Variants in ARF4 observed in about 807,000 individuals in gnomAD.
ARF4 encodes ARF GTPase 4, also known as ADP-ribosylation factor 4.
ARF4 carries 5 observed loss-of-function variants against 24.3 expected under a neutral mutation model. The ratio of observed to expected loss-of-function variants is 0.21; its 90% CI spans 0.11 to 0.43. The LOEUF is 0.43. ARF4 is among the 20% of genes least tolerant of loss of function. The probability of loss-of-function intolerance (pLI) is 1.00; values close to 1 mark genes in which losing one functional copy is unlikely to be tolerated. For missense variants in ARF4, 107 were observed against 213.0 expected, an observed-to-expected ratio of 0.50 and a Z score of 3.10; for synonymous variants, 62 against 73.5, an observed-to-expected ratio of 0.84 and a Z score of 0.80.
chr3:57,596,012 C>A (rs2070177387), intron 1 of ARF4, among the ~76,000 whole-genome samples: 1 of 151,738 alleles, frequency 6.6e-6, no homozygotes. Context: ...GCTAATGAAC[C>A]AACAAGTTTC....
intron 2 of ARF4, 62 bp downstream of exon 2, chr3:57,584,320 CTA>C: frequency 7.5e-7 from 1 of 1,326,164 alleles, no homozygotes. Flanking sequence ...AATCTCAAAA[CTA>C]GACTGTATAT....
intron 3 of ARF4, among the ~76,000 whole-genome samples, chr3:57,579,235 C>T (rs1351529954): frequency 4.2e-5 from 4 of 95,204 alleles, no homozygotes; most frequent in African/African-American, 1.9e-4. Flanking sequence ...GCCTGGGCGA[C>T]AAGAGCAAAC....
At chr3:57,594,739 A>C (rs2070160677) in intron 1 of ARF4, among the ~76,000 whole-genome samples, 1 of 152,244 alleles carries the variant, frequency 6.6e-6, no homozygotes, top group South Asian at 2.1e-4. Context: ...CTTTATAAAG[A>C]AAAACGAAGC....
At chr3:57,581,925 T>G (rs907562488) in intron 3 of ARF4, among the ~76,000 whole-genome samples, 7 of 152,194 alleles carry the variant, frequency 4.6e-5, no homozygotes, top group Non-Finnish European at 1.0e-4. Flanking sequence ...ATTCTATTTG[T>G]AGGTGTACAG....
At chr3:57,591,459 CTCTTTTCTTT>C (rs939404121) in intron 1 of ARF4, among the ~76,000 whole-genome samples, 6 of 149,500 alleles carry the variant, frequency 4.0e-5, no homozygotes, top group African/African-American at 1.5e-4. Flanking sequence ...CTTTTTTCTT[CTCTTTTCTTT>C]TCTTTTTTTT....
chr3:57,583,908 T>C lies in ARF4; in HGVS notation c.248A>G (p.Gln83Arg). ...RIRPLWKHYF[Q>R]NTQGLIFVVD... Reference sequence around the variant, plus strand: ...TACAGTATCCCTTACCTGGGTATTCTGGAAGTAATGCTTCCAGAGAGGCCT... The same window carrying C: ...TACAGTATCCCTTACCTGGGTATTCCGGAAGTAATGCTTCCAGAGAGGCCT... The change falls in exon 3 of 6, where the codon CAG (glutamine) becomes CGG (arginine). Residue 83 changes from glutamine (Q) to arginine (R), a missense_variant. Coordinates refer to ENST00000303436, the MANE Select transcript of ARF4 (RefSeq NM_001660.4). The C allele has an allele frequency of 6.3e-7, 1 of 1,598,968 alleles. No individual in the cohort carries two copies. The highest frequency in any genetic ancestry group is 2.2e-5 in the East Asian group (1 of 44,784).
rs573215367 is a variant in ARF4, at chr3:57,588,284, T to A, written c.68-3820A>T. Among the ~76,000 whole-genome samples, 7 of 152,348 alleles carry A rather than the reference T, an allele frequency of 4.6e-5. No homozygotes were observed. In the East Asian group the frequency reaches 1.4e-3, roughly 29 times the overall value. On this transcript the variant is annotated intron_variant, in intron 1 of 5. Transcript: ENST00000303436. ...GGAAAACTACCTCAGAAATCTTTGC[T>A]GGCCAGGCAGTCACTCACACCTGTA...
chr3:57,596,206 A>G (rs2070180565), intron 1 of ARF4, among the ~76,000 whole-genome samples: 1 of 152,228 alleles, frequency 6.6e-6, no homozygotes, highest in South Asian at 2.1e-4. Context: ...CTTTCTAAAA[A>G]GAAATTTTAA....
At position 57,573,519 on chromosome 3, in the gene ARF4, A is replaced by G. The variant is rs562549842; in HGVS notation, c.457-1221T>C. ...GGAGGCTGGGGAAAGGCTCAAATTC[A>G]TACCTTCACAGCATGGAAAACTTGT... On this transcript the variant is annotated intron_variant, in intron 5 of 5. Transcript: ENST00000303436. Among the ~76,000 whole-genome samples the G allele has an allele frequency of 2.6e-5, 4 of 152,286 alleles. No individual in the cohort carries two copies. In the South Asian group the frequency reaches 8.3e-4, roughly 32 times the overall value.
rs150369290 is a variant in ARF4 at position 57,586,133 on chromosome 3, G to T, written c.68-1669C>A. On this transcript the variant is annotated intron_variant, in intron 1 of 5. Coordinates refer to ENST00000303436, the MANE Select transcript of ARF4 (RefSeq NM_001660.4). The stretch of plus-strand genomic sequence containing the variant: ...TCTCTCAAAACCTGAATATTCTGCA[G>T]TGTTTGCTAAAGCCCTCATAAATGA... Among the ~76,000 whole-genome samples, 166 of 152,322 alleles carry T rather than the reference G, an allele frequency of 1.1e-3. 1 individual carries two copies. Among genetic ancestry groups the T allele is most frequent in the African/African-American group, 3.6e-3 (149 of 41,572 alleles).
chr3:57,584,086 T>C (rs1042150526), intron 2 of ARF4, 79 bp from the exon 3 acceptor site: 22 of 1,012,940 alleles, frequency 2.2e-5, no homozygotes, highest in South Asian at 2.0e-4. Context: ...TTTCTTAGAA[T>C]AGTGTTTTTA....
chr3:57,596,002 G>A (rs533495345), intron 1 of ARF4, among the ~76,000 whole-genome samples: 1 of 151,726 alleles, frequency 6.6e-6, no homozygotes, highest in Non-Finnish European at 1.5e-5. Flanking sequence ...TAGAAAACAA[G>A]CTAATGAACC....
chr3:57,575,671 A>T lies in ARF4; in HGVS notation c.333T>A (p.Leu111=), dbSNP rs2069894418. 6.2e-7 allele frequency: 1 copy of T among 1,606,380 alleles called. No individual in the cohort carries two copies. Residue 111 remains leucine, a splice_region_variant and synonymous_variant, in exon 5 of 6, where the codon CTT becomes CTA. Transcript: ENST00000303436. The part of the protein sequence containing the change: ...QEVADELQKM[L]LVDELRDAVL... ...CTGCATCTCTCAATTCATCTACCAG[A>T]AGCTGGAAATAAAAGGTAAGGCATT...
At chr3:57,577,198 T>A (rs2153408523) in intron 4 of ARF4, 118 bp downstream of exon 4, 1 of 821,168 alleles carries the variant, frequency 1.2e-6, no homozygotes, top group East Asian at 2.5e-5. Flanking sequence ...TTAAGTTTAT[T>A]TCTAGCCCCC....
At chr3:57,595,167 A>G (rs1189403488) in intron 1 of ARF4, among the ~76,000 whole-genome samples, 3 of 152,230 alleles carry the variant, frequency 2.0e-5, no homozygotes, top group Non-Finnish European at 4.4e-5. Flanking sequence ...TAAATATATG[A>G]AAATGCTGGT....
rs1041628754 is a variant in ARF4, at chr3:57,571,711, C to T, written c.*501G>A. ...GGAGTCAATGTAGGGGGAAAAATTT[C>T]CTCAGTGCAAGAGAGCTGAGTAGTG... On this transcript the variant is annotated 3_prime_UTR_variant, in exon 6 of 6. Coordinates refer to ENST00000303436, the MANE Select transcript of ARF4 (RefSeq NM_001660.4). The T allele has an allele frequency of 1.3e-5, 2 of 153,096 alleles. No individual in the cohort carries two copies. The highest frequency in any genetic ancestry group is 2.9e-5 in the Non-Finnish European group (2 of 68,388). 9.5% of individuals were successfully genotyped at this position (153,096 alleles called of 1,614,324 possible).
intron 1 of ARF4, among the ~76,000 whole-genome samples, chr3:57,594,508 C>A (rs2070157920): frequency 6.6e-6 from 1 of 152,228 alleles, no homozygotes; most frequent in Non-Finnish European, 1.5e-5. Context: ...ATTTGATACA[C>A]TGTGTTGGTT....
At chr3:57,583,149 A>G (rs1010950328) in intron 3 of ARF4, among the ~76,000 whole-genome samples, 1 of 152,258 alleles carries the variant, frequency 6.6e-6, no homozygotes, top group Non-Finnish European at 1.5e-5. Context: ...CAGTAGTATC[A>G]GCACAACCCG....
At chr3:57,575,216 A>C (rs2069889245) in intron 5 of ARF4, among the ~76,000 whole-genome samples, 1 of 152,078 alleles carries the variant, frequency 6.6e-6, no homozygotes, top group Non-Finnish European at 1.5e-5. Context: ...GCCAGATTTC[A>C]AAATATTTGC....
Sources: gnomAD v4.1 joint callset for allele counts (sites outside exome capture counted in the v4.1 genomes callset) on GRCh38, gnomAD v4.1.1 for gene constraint, MANE v1.5 for transcripts, NCBI Gene and HGNC (gene_info 2026-07-23, HGNC 2026-07-21) for gene names.